Variants in XYLT1 observed in about 807,000 individuals in gnomAD.
XYLT1 encodes beta-D-xylosyltransferase 1.
Under a neutral mutation model 91.3 loss-of-function variants are expected in XYLT1, and 36 were observed. The observed-to-expected ratio is 0.39, with a 90% confidence interval of 0.30 to 0.52. The LOEUF (loss-of-function observed/expected upper bound fraction) is 0.52. Among genes scored for constraint, XYLT1 ranks in the 20% least tolerant of loss-of-function variants. XYLT1 has a pLI of 0.68. For synonymous variants in XYLT1, 588 were observed against 532.0 expected (o/e 1.11, Z -1.45); for missense variants, 1,242 against 1,284.5 (o/e 0.97, Z 0.51).
chr16:17,341,491 A>C (rs2035063071), intron 2 of XYLT1, among the ~76,000 whole-genome samples: 1 of 152,244 alleles, frequency 6.6e-6, no homozygotes, highest in South Asian at 2.1e-4. Context: ...ATGATGTTCC[A>C]TTTCAAGGAA....
intron 5 of XYLT1, among the ~76,000 whole-genome samples, chr16:17,166,587 C>T (rs1291001658): frequency 6.6e-6 from 1 of 151,872 alleles, no homozygotes; most frequent in Non-Finnish European, 1.5e-5. Flanking sequence ...TCTCCGCTTA[C>T]AGTAACCTCC....
At chr16:17,359,932 T>A (rs1406382186) in intron 1 of XYLT1, among the ~76,000 whole-genome samples, 1 of 152,190 alleles carries the variant, frequency 6.6e-6, no homozygotes, top group Admixed American at 6.5e-5. Context: ...CCCATTTTTG[T>A]CTTTGGGAAG....
chr16:17,294,144 G>A (rs2034274581), intron 2 of XYLT1, among the ~76,000 whole-genome samples: 1 of 152,142 alleles, frequency 6.6e-6, no homozygotes, highest in Admixed American at 6.5e-5. Context: ...CTCTGAAGGG[G>A]TCCCCTGCTC....
chr16:17,392,047 A>G (rs2035826748), intron 1 of XYLT1, among the ~76,000 whole-genome samples: 1 of 152,254 alleles, frequency 6.6e-6, no homozygotes, highest in Admixed American at 6.5e-5. Context: ...ATGAGAAATG[A>G]CTAATACAGG....
At chr16:17,265,446 T>C (rs143934197) in intron 2 of XYLT1, among the ~76,000 whole-genome samples, 1 of 152,360 alleles carries the variant, frequency 6.6e-6, no homozygotes, top group East Asian at 1.9e-4. Context: ...GAGTTATTTA[T>C]GCTAATGCAA....
At chr16:17,342,926 A>C (rs2035084498) in intron 2 of XYLT1, among the ~76,000 whole-genome samples, 1 of 152,252 alleles carries the variant, frequency 6.6e-6, no homozygotes. Context: ...TGCGATGATG[A>C]AAAGCAAATC....
chr16:17,225,672 G>A (rs2033051013), intron 3 of XYLT1, among the ~76,000 whole-genome samples: 1 of 151,978 alleles, frequency 6.6e-6, no homozygotes, highest in Non-Finnish European at 1.5e-5. Context: ...ATATAATTAT[G>A]GTGTGACATT....
chr16:17,288,579 T>C (rs1251087838), intron 2 of XYLT1, among the ~76,000 whole-genome samples: 1 of 152,174 alleles, frequency 6.6e-6, no homozygotes, highest in East Asian at 1.9e-4. Flanking sequence ...AGATGACTTG[T>C]CCATACCTTG....
chr16:17,322,515 C>T (rs74783566), intron 2 of XYLT1, among the ~76,000 whole-genome samples: 6,123 of 152,222 alleles, frequency 0.04, 166 homozygotes, highest in South Asian at 0.062. Context: ...TGGCTCACTC[C>T]CACCATACTC....
At chr16:17,432,399 A>G (rs891195503) in intron 1 of XYLT1, among the ~76,000 whole-genome samples, 6 of 152,202 alleles carry the variant, frequency 3.9e-5, no homozygotes, top group Admixed American at 3.9e-4. Flanking sequence ...ATATACGACT[A>G]CACATATAGA....
At chr16:17,353,295 C>G (rs536316642) in intron 2 of XYLT1, among the ~76,000 whole-genome samples, 28 of 152,236 alleles carry the variant, frequency 1.8e-4, no homozygotes, top group Non-Finnish European at 3.5e-4. Context: ...CCCAACGTAT[C>G]TCAGTGTTTG....
chr16:17,188,206 A>G (rs1015982633), intron 5 of XYLT1, among the ~76,000 whole-genome samples: 3 of 151,960 alleles, frequency 2.0e-5, no homozygotes, highest in Admixed American at 1.3e-4. Flanking sequence ...ACTGCTTGTG[A>G]TCTGGCCTCC....
At chr16:17,368,575 T>C (rs1199190258) in intron 1 of XYLT1, among the ~76,000 whole-genome samples, 2 of 151,322 alleles carry the variant, frequency 1.3e-5, no homozygotes, top group African/African-American at 4.9e-5. Context: ...TTTTTTTTTT[T>C]TTTTGGTTTT....
At chr16:17,345,773 C>T (rs2035135467) in intron 2 of XYLT1, among the ~76,000 whole-genome samples, 1 of 151,960 alleles carries the variant, frequency 6.6e-6, no homozygotes, top group Non-Finnish European at 1.5e-5. Context: ...CCCAACAAGT[C>T]TAGGAGGTGG....
At chr16:17,109,097 C>T in intron 11 of XYLT1, 80 bp from the exon 12 acceptor site, 2 of 1,348,244 alleles carry the variant, frequency 1.5e-6, no homozygotes, top group Non-Finnish European at 2.0e-6. Context: ...GTGCCTGGTG[C>T]TGCACTGGGT....
chr16:17,151,625 A>G (rs778130153), intron 6 of XYLT1, among the ~76,000 whole-genome samples: 2 of 152,180 alleles, frequency 1.3e-5, no homozygotes, highest in Non-Finnish European at 2.9e-5. Flanking sequence ...TCAGTGGCAC[A>G]TGTACCAGTT....
intron 1 of XYLT1, among the ~76,000 whole-genome samples, chr16:17,380,373 C>T (rs770813384): frequency 2.1e-4 from 32 of 152,152 alleles, no homozygotes; most frequent in Non-Finnish European, 4.4e-4. Flanking sequence ...GCAGTTGACT[C>T]TCAGTAACTC....
At chr16:17,384,323 T>A (rs911665235) in intron 1 of XYLT1, among the ~76,000 whole-genome samples, 1 of 151,634 alleles carries the variant, frequency 6.6e-6, no homozygotes, top group Non-Finnish European at 1.5e-5. Flanking sequence ...TCCCACCAAG[T>A]TCTGAGAGAC....
chr16:17,445,226 G>C (rs1400591610), intron 1 of XYLT1, among the ~76,000 whole-genome samples: 1 of 152,100 alleles, frequency 6.6e-6, no homozygotes, highest in African/African-American at 2.4e-5. Context: ...AGGAGCCTGA[G>C]CTTAAGAGAT....
Sources: gnomAD v4.1 joint callset for allele counts (sites outside exome capture counted in the v4.1 genomes callset) on GRCh38, gnomAD v4.1.1 for gene constraint, MANE v1.5 for transcripts, NCBI Gene and HGNC (gene_info 2026-07-23, HGNC 2026-07-21) for gene names.